The following ZBTB20 variants were observed in gnomAD, a reference collection of about 807,000 sequenced individuals.
ZBTB20 encodes zinc finger and BTB domain-containing protein 20.
In ZBTB20, 9 loss-of-function variants were observed where a neutral mutation model predicts 56.9. That is an observed-to-expected ratio of 0.16 (90% CI 0.10 to 0.28). The LOEUF is 0.28. Among genes scored for constraint, ZBTB20 ranks in the 10% least tolerant of loss-of-function variants. ZBTB20 has a pLI of 1.00. For synonymous variants in ZBTB20, 417 were observed against 420.7 expected (o/e 0.99, Z 0.11); for missense variants, 655 against 1,003.0 (o/e 0.65, Z 4.69).
At chr3:114,429,844 G>A (rs933756523) in intron 7 of ZBTB20, among the ~76,000 whole-genome samples, 6 of 152,102 alleles carry the variant, frequency 3.9e-5, no homozygotes, top group South Asian at 4.1e-4. Context: ...TAAAGTACAC[G>A]GAAGGATGTG....
At chr3:114,454,815 A>G in intron 7 of ZBTB20, 1 of 151,466 alleles carries the variant, frequency 6.6e-6, no homozygotes, top group Non-Finnish European at 1.5e-5. Context: ...GTCTCTTCTG[A>G]GTGGTCTATT....
chr3:114,764,255 T>C lies in ZBTB20; in HGVS notation c.-343+36846A>G, dbSNP rs1435429848. Among the ~76,000 whole-genome samples the C allele has an allele frequency of 1.2e-3, 178 of 147,566 alleles. 1 individual carries two copies. The highest frequency in any genetic ancestry group is 3.3e-3 in the African/African-American group (136 of 40,664). On this transcript the variant is annotated intron_variant, in intron 5 of 11. Coordinates refer to ENST00000675478, the MANE Select transcript of ZBTB20 (RefSeq NM_001348800.3). ...CTTCTACCTCTCTCTCTCTCTCTTT[T>C]TTTTTTTTTTTGTCCTGTACTGCCA... is the stretch of plus-strand genomic sequence containing the variant.
In ZBTB20 at chr3:114,468,856, T is replaced by C. The variant is rs570583740; in HGVS notation, c.-255+31496A>G. On this transcript the variant is annotated intron_variant, in intron 7 of 11. Coordinates refer to ENST00000675478, the MANE Select transcript of ZBTB20 (RefSeq NM_001348800.3). ...AGGGTGGAAGAGCAAATGAGTGAAG[T>C]AGGTGTGGCATAAAATATGGGGTGA... Among the ~76,000 whole-genome samples, 15 of 151,888 alleles carry C rather than the reference T, an allele frequency of 9.9e-5. 1 individual carries two copies. The South Asian group carries it at 2.5e-3, about 25-fold the overall frequency.
At chr3:115,100,192 A>G (rs568724434) in intron 1 of ZBTB20, 1 of 151,802 alleles carries the variant, frequency 6.6e-6, no homozygotes, top group South Asian at 2.1e-4. Flanking sequence ...CCCAGCGCTG[A>G]GTTTCTCTTC....
intron 4 of ZBTB20, among the ~76,000 whole-genome samples, chr3:114,891,636 A>T (rs553630558): frequency 1.3e-5 from 2 of 152,354 alleles, no homozygotes; most frequent in East Asian, 3.9e-4. Context: ...CTTTACCATG[A>T]CCAGATTCAA....
intron 6 of ZBTB20, among the ~76,000 whole-genome samples, chr3:114,683,285 CAGAA>C (rs1685453302): frequency 6.6e-6 from 1 of 152,112 alleles, no homozygotes; most frequent in Non-Finnish European, 1.5e-5. Context: ...CACTGAGGTA[CAGAA>C]AGAGAGTTCT....
chr3:114,634,321 G>A (rs9820958), intron 6 of ZBTB20, among the ~76,000 whole-genome samples: 17,304 of 152,088 alleles, frequency 0.11, 1,153 homozygotes, highest in Admixed American at 0.19. Flanking sequence ...CAAATAATCC[G>A]ATGTATCCTA....
At chr3:114,442,218 G>A (rs1176714161) in intron 7 of ZBTB20, among the ~76,000 whole-genome samples, 1 of 152,074 alleles carries the variant, frequency 6.6e-6, no homozygotes, top group Non-Finnish European at 1.5e-5. Flanking sequence ...AGCCTGTTGT[G>A]GACTCAGGAC....
chr3:114,626,996 T>C (rs1374034330), intron 6 of ZBTB20, among the ~76,000 whole-genome samples: 2 of 152,208 alleles, frequency 1.3e-5, no homozygotes, highest in South Asian at 2.1e-4. Context: ...GTTAGTTTAT[T>C]CAGGCCTCTT....
At chr3:114,729,559 G>A (rs1490276892) in intron 5 of ZBTB20, among the ~76,000 whole-genome samples, 1 of 152,122 alleles carries the variant, frequency 6.6e-6, no homozygotes. Context: ...GTTTGACAAA[G>A]CAGTGTCTTC....
chr3:115,036,339 C>G (rs189500880), intron 2 of ZBTB20, among the ~76,000 whole-genome samples: 266 of 151,256 alleles, frequency 1.8e-3, no homozygotes, highest in Non-Finnish European at 2.5e-3. Flanking sequence ...CTCGCTCTGT[C>G]GCCAGGCTGA....
intron 3 of ZBTB20, among the ~76,000 whole-genome samples, chr3:114,956,099 T>C (rs953010357): frequency 3.9e-5 from 6 of 152,182 alleles, no homozygotes; most frequent in African/African-American, 1.4e-4. Flanking sequence ...ACACATGCTA[T>C]ATTGACAAAA....
At chr3:114,821,871 A>C (rs992901647) in intron 4 of ZBTB20, among the ~76,000 whole-genome samples, 1 of 152,160 alleles carries the variant, frequency 6.6e-6, no homozygotes, top group Non-Finnish European at 1.5e-5. Context: ...TTCAATGCTT[A>C]AAGTGAAGAT....
chr3:114,612,961 G>T (rs1180849692), intron 6 of ZBTB20, among the ~76,000 whole-genome samples: 1 of 152,108 alleles, frequency 6.6e-6, no homozygotes, highest in Non-Finnish European at 1.5e-5. Context: ...TATAGAAAAG[G>T]GTTTGTGAAT....
intron 6 of ZBTB20, among the ~76,000 whole-genome samples, chr3:114,563,834 G>C (rs2669894): frequency 0.052 from 7,907 of 152,150 alleles, 729 homozygotes; most frequent in African/African-American, 0.18. Flanking sequence ...TTTTCCTATA[G>C]CTGGATGTAC....
At chr3:114,604,742 T>C (rs1008956194) in intron 6 of ZBTB20, among the ~76,000 whole-genome samples, 2 of 152,034 alleles carry the variant, frequency 1.3e-5, no homozygotes, top group African/African-American at 4.8e-5. Flanking sequence ...GGTTCTTCCC[T>C]TTGACTTTGT....
intron 1 of ZBTB20, among the ~76,000 whole-genome samples, chr3:115,139,280 C>T (rs116750623): frequency 0.015 from 2,315 of 152,014 alleles, 34 homozygotes; most frequent in South Asian, 0.05. Flanking sequence ...TAGCTTTAAG[C>T]CTTTCACTAC....
chr3:114,394,454 G>A (rs551867144), intron 7 of ZBTB20, among the ~76,000 whole-genome samples: 86 of 152,284 alleles, frequency 5.6e-4, no homozygotes, highest in African/African-American at 1.8e-3. Context: ...AGAGCCACTG[G>A]AAAGATCTGG....
At chr3:114,673,344 G>A (rs1468623656) in intron 6 of ZBTB20, among the ~76,000 whole-genome samples, 1 of 152,046 alleles carries the variant, frequency 6.6e-6, no homozygotes, top group Non-Finnish European at 1.5e-5. Context: ...GTGATATAAG[G>A]ATTAATTCCT....
Sources: gnomAD v4.1 joint callset for allele counts (sites outside exome capture counted in the v4.1 genomes callset) on GRCh38, gnomAD v4.1.1 for gene constraint, MANE v1.5 for transcripts, NCBI Gene and HGNC (gene_info 2026-07-23, HGNC 2026-07-21) for gene names.